MTRF1: variants seen among roughly 807,000 people sequenced by gnomAD.
MTRF1 encodes the protein mitochondrial translation release factor 1, also known as peptide chain release factor 1, mitochondrial.
Under a neutral mutation model 62.9 loss-of-function variants are expected in MTRF1, and 51 were observed. The observed-to-expected ratio is 0.81, with a 90% CI of 0.65 to 1.02. The LOEUF (loss-of-function observed/expected upper bound fraction) is 1.02. MTRF1 is among the 50% of genes least tolerant of loss of function. MTRF1 has a pLI of 0.00. For synonymous variants in MTRF1, 158 were observed against 181.9 expected (o/e 0.87, Z 1.06); for missense variants, 446 against 530.0 (o/e 0.84, Z 1.56).
intron 9 of MTRF1, among the ~76,000 whole-genome samples, chr13:41,221,744 G>A (rs1313387723): frequency 3.3e-5 from 5 of 152,008 alleles, no homozygotes; most frequent in Non-Finnish European, 7.4e-5. Context: ...TTTCACAACC[G>A]AATACTATAC....
At chr13:41,291,161 G>T in the MTRF1 span, among the ~76,000 whole-genome samples, 1 of 151,664 alleles carries the variant, frequency 6.6e-6, no homozygotes, top group Non-Finnish European at 1.5e-5. Flanking sequence ...GTAAATAAAA[G>T]GATACCAGAA....
intron 6 of MTRF1, among the ~76,000 whole-genome samples, chr13:41,238,655 C>T (rs1566106118): frequency 6.6e-6 from 1 of 152,122 alleles, no homozygotes; most frequent in African/African-American, 2.4e-5. Flanking sequence ...TAATTAGGAA[C>T]AGGATATATG....
the MTRF1 span, among the ~76,000 whole-genome samples, chr13:41,275,134 T>C: frequency 9.8e-5 from 15 of 152,336 alleles, no homozygotes; most frequent in African/African-American, 3.4e-4. Context: ...AATCAGGTTT[T>C]TCCAAATTTA....
chr13:41,293,152 TTGTGTG>T, the MTRF1 span, among the ~76,000 whole-genome samples: 5 of 150,204 alleles, frequency 3.3e-5, no homozygotes, highest in Admixed American at 1.3e-4. Flanking sequence ...TGTGAAATCT[TTGTGTG>T]TGTGTGTGTG....
chr13:41,231,269 A>G (rs756103378), intron 7 of MTRF1, among the ~76,000 whole-genome samples: 8 of 152,254 alleles, frequency 5.3e-5, no homozygotes, highest in Non-Finnish European at 5.9e-5. Context: ...AGGCTCAGAA[A>G]TAGAGACACC....
the MTRF1 span, among the ~76,000 whole-genome samples, chr13:41,306,327 T>C: frequency 2.7e-5 from 4 of 149,792 alleles, no homozygotes; most frequent in East Asian, 7.9e-4. Flanking sequence ...GAGCTTGCAA[T>C]GAGCCGAGAT....
chr13:41,255,952 C>A (rs1159205976), intron 2 of MTRF1, among the ~76,000 whole-genome samples: 1 of 152,050 alleles, frequency 6.6e-6, no homozygotes, highest in Non-Finnish European at 1.5e-5. Context: ...AATTCCGACC[C>A]TTAATAATAA....
the MTRF1 span, among the ~76,000 whole-genome samples, chr13:41,295,055 G>A: frequency 6.6e-6 from 1 of 152,100 alleles, no homozygotes; most frequent in South Asian, 2.1e-4. Flanking sequence ...CTTGCTGCAT[G>A]TGATTTGCAG....
At chr13:41,230,269 CTT>C (rs1193748504) in intron 7 of MTRF1, among the ~76,000 whole-genome samples, 1 of 145,322 alleles carries the variant, frequency 6.9e-6, no homozygotes, top group African/African-American at 2.5e-5. Context: ...ATATTCTTTT[CTT>C]TTTTTTTTTT....
chr13:41,241,234 C>CG (rs2037448023), intron 5 of MTRF1, among the ~76,000 whole-genome samples: 1 of 152,072 alleles, frequency 6.6e-6, no homozygotes, highest in African/African-American at 2.4e-5. Context: ...TTAGTAGAGG[C>CG]GGGGTTTCAC....
chr13:41,238,920 C>G (rs778494639), intron 6 of MTRF1, among the ~76,000 whole-genome samples: 6 of 151,790 alleles, frequency 4.0e-5, no homozygotes, highest in Non-Finnish European at 7.4e-5. Flanking sequence ...GATAAAGGAA[C>G]AAGTTAAAGA....
chr13:41,311,432 C>G, the MTRF1 span: 1 of 1,199,754 alleles, frequency 8.3e-7, no homozygotes, highest in Non-Finnish European at 1.2e-6. Context: ...CGCAGCCCGA[C>G]TCTCAGCAGC....
chr13:41,232,884 T>C (rs1184646030), intron 7 of MTRF1, among the ~76,000 whole-genome samples: 1 of 152,146 alleles, frequency 6.6e-6, no homozygotes, highest in Middle Eastern at 3.2e-3. Flanking sequence ...TTGGAAGATG[T>C]AAGCAGACTC....
At chr13:41,273,254 T>A in the MTRF1 span, among the ~76,000 whole-genome samples, 326 of 145,660 alleles carry the variant, frequency 2.2e-3, 1 homozygote, top group Admixed American at 6.7e-3. Flanking sequence ...TGAACCCGGG[T>A]GGCGGAGGTT....
chr13:41,231,163 A>C (rs372644899), intron 7 of MTRF1, among the ~76,000 whole-genome samples: 2 of 152,340 alleles, frequency 1.3e-5, no homozygotes, highest in African/African-American at 4.8e-5. Flanking sequence ...GAAGAATGGT[A>C]AATGACTTAG....
At chr13:41,265,722 A>G (rs939239920), upstream of MTRF1, among the ~76,000 whole-genome samples, 1 of 152,206 alleles carries the variant, frequency 6.6e-6, no homozygotes, top group Non-Finnish European at 1.5e-5. Flanking sequence ...GCCACCTACA[A>G]GCCAAGAGAA....
chr13:41,230,219 GTTA>G (rs1343345358), intron 7 of MTRF1, among the ~76,000 whole-genome samples: 1 of 151,916 alleles, frequency 6.6e-6, no homozygotes, highest in Non-Finnish European at 1.5e-5. Flanking sequence ...TGGTTACTGG[GTTA>G]TTATTACGGA....
chr13:41,235,946 C>T (rs2036456672), intron 6 of MTRF1: 1 of 152,432 alleles, frequency 6.6e-6, no homozygotes, highest in South Asian at 2.0e-4. Flanking sequence ...CTTTGTTGCC[C>T]AGGCTGGAAT....
intron 6 of MTRF1, chr13:41,235,039 T>A (rs924046076): frequency 2.0e-5 from 3 of 152,120 alleles, no homozygotes; most frequent in African/African-American, 7.2e-5. Context: ...GAATTTAAGA[T>A]TATAATCTAT....
Sources: allele counts gnomAD v4.1 joint callset (sites outside exome capture counted in the v4.1 genomes callset), GRCh38; gene constraint gnomAD v4.1.1; transcripts MANE v1.5; gene names NCBI Gene and HGNC (gene_info 2026-07-23, HGNC 2026-07-21).